UBXN11: variants seen among roughly 807,000 people sequenced by gnomAD.
The protein encoded by UBXN11 is UBX domain protein 11.
A neutral mutation model predicts 62.8 loss-of-function variants in UBXN11; 47 were observed. That is an observed-to-expected ratio of 0.75 (90% CI 0.59 to 0.95). The LOEUF is 0.95. UBXN11 is among the 40% of genes least tolerant of loss of function. The pLI is 0.00. For synonymous variants in UBXN11, 294 were observed against 267.0 expected (o/e 1.10, Z -0.99); for missense variants, 638 against 661.7 (o/e 0.96, Z 0.39).
chr1:26,308,275 A>AAAAAAAAAG, upstream of UBXN11, among the ~76,000 whole-genome samples: 1 of 141,240 alleles, frequency 7.1e-6, no homozygotes, highest in Non-Finnish European at 1.5e-5. Context: ...CAAAAAAAAA[A>AAAAAAAAAG]AAAAGAAAAG....
chr1:26,303,531 C>T (rs1468128799), intron 1 of UBXN11, among the ~76,000 whole-genome samples: 5 of 146,324 alleles, frequency 3.4e-5, no homozygotes, highest in South Asian at 2.1e-4. Flanking sequence ...GTCTGAGGCA[C>T]GAGAATCGCT....
intron 4 of UBXN11, 55 bp from the exon 5 acceptor site, chr1:26,298,117 G>A (rs549236082): frequency 1.9e-5 from 30 of 1,549,958 alleles, no homozygotes; most frequent in South Asian, 4.6e-5. Context: ...GCTGAGTTGT[G>A]GGGGGGAGGG....
At chr1:26,288,596 T>C (rs985051142) in intron 8 of UBXN11, among the ~76,000 whole-genome samples, 1 of 151,400 alleles carries the variant, frequency 6.6e-6, no homozygotes, top group African/African-American at 2.4e-5. Context: ...AGCTGGGGAG[T>C]CACACAGCAG....
At chr1:26,317,588 A>G (rs3924934) in intron 1 of UBXN11, among the ~76,000 whole-genome samples, 80,303 of 151,998 alleles carry the variant, frequency 0.53, 22,574 homozygotes, top group Non-Finnish European at 0.65. Context: ...GCTCTTTTTA[A>G]ATTGGTTATT....
In UBXN11 at chr1:26,285,359, G is replaced by T. The variant is rs1000351945; in HGVS notation, c.852+105C>A. ...GAGGGCATCAGACTGGGGTCCCCCA[G>T]GGAGTGCAGCGGCTTCCCCTCAGAA... On this transcript the variant is annotated intron_variant, in intron 10 of 14. Coordinates refer to ENST00000374222, the MANE Select transcript of UBXN11 (RefSeq NM_001389556.1). 2.6e-6 allele frequency: 4 copies of T among 1,544,974 alleles called. No homozygotes were observed. The African/African-American group carries it at 4.1e-5, about 16-fold the overall frequency.
At chr1:26,302,668 TA>T in intron 2 of UBXN11, 144 bp downstream of exon 2, 1 of 892,828 alleles carries the variant, frequency 1.1e-6, no homozygotes, top group Non-Finnish European at 1.6e-6. Flanking sequence ...GAAGAAGGTA[TA>T]AAGAAAAAGA....
At chr1:26,291,292 C>T (rs1309486646) in intron 8 of UBXN11, among the ~76,000 whole-genome samples, 3 of 152,226 alleles carry the variant, frequency 2.0e-5, no homozygotes, top group South Asian at 2.1e-4. Context: ...ACGGGGACGC[C>T]GGAGAGATGT....
intron 8 of UBXN11, among the ~76,000 whole-genome samples, chr1:26,293,538 C>T (rs546621326): frequency 2.0e-5 from 3 of 151,710 alleles, no homozygotes; most frequent in Non-Finnish European, 4.4e-5. Context: ...CCAGCCTGGC[C>T]AACATGGTAA....
intron 1 of UBXN11, among the ~76,000 whole-genome samples, chr1:26,315,413 G>A (rs1029208290): frequency 6.6e-5 from 10 of 152,262 alleles, no homozygotes; most frequent in Admixed American, 5.9e-4. Flanking sequence ...CTTCTGGGCT[G>A]GTGCCCTTCT....
chr1:26,303,210 G>C, intron 1 of UBXN11: 1 of 224,426 alleles, frequency 4.5e-6, no homozygotes, highest in South Asian at 1.6e-4. Flanking sequence ...CAGAAGCCTG[G>C]AACTTTCCCA....
Position 26,285,914 on chromosome 1 carries a change from C to G in UBXN11, c.683G>C (p.Arg228Pro). ...CTTCAGCGGGATGGGCTCGAGGGTACGCAGCCGTGCCCCGCCGGGCACTGG... is the reference window on the plus strand; with the variant it reads ...CTTCAGCGGGATGGGCTCGAGGGTAGGCAGCCGTGCCCCGCCGGGCACTGG... ...VTPVPGGARL[R>P]TLEPIPLKLY... Residue 228 changes from arginine to proline, a missense_variant, in exon 9 of 15, where the codon CGT (arginine) becomes CCT (proline). Coordinates refer to ENST00000374222, the MANE Select transcript of UBXN11 (RefSeq NM_001389556.1). The G allele has an allele frequency of 6.2e-7, 1 of 1,613,636 alleles. No individual in the cohort carries two copies. Among genetic ancestry groups the G allele is most frequent in the Non-Finnish European group, 8.5e-7 (1 of 1,179,666 alleles).
intron 10 of UBXN11, chr1:26,284,745 C>T (rs1186923235): frequency 1.6e-6 from 2 of 1,252,094 alleles, no homozygotes; most frequent in Non-Finnish European, 2.0e-6. Context: ...CTCTCAGGAG[C>T]CTACCGTGAA....
intron 8 of UBXN11, among the ~76,000 whole-genome samples, chr1:26,286,733 CTTG>C (rs1316485500): frequency 6.6e-6 from 1 of 152,170 alleles, no homozygotes; most frequent in East Asian, 1.9e-4. Context: ...GAGTTTCACT[CTTG>C]TTGTCCAGGC....
At chr1:26,302,222 G>A (rs911595140) in intron 2 of UBXN11, among the ~76,000 whole-genome samples, 2 of 152,024 alleles carry the variant, frequency 1.3e-5, no homozygotes, top group Admixed American at 6.5e-5. Flanking sequence ...AATTAGCCAG[G>A]TGTTATAGCA....
chr1:26,285,216 G>C, intron 10 of UBXN11: 1 of 1,301,906 alleles, frequency 7.7e-7, no homozygotes, highest in Admixed American at 3.5e-5. Flanking sequence ...GGGAGGACTA[G>C]AAGGCAGGGG....
intron 5 of UBXN11, among the ~76,000 whole-genome samples, chr1:26,297,755 T>C (rs1259118188): frequency 6.6e-6 from 1 of 152,200 alleles, no homozygotes; most frequent in Non-Finnish European, 1.5e-5. Flanking sequence ...TACTGGGTCC[T>C]GCTCAGCTGA....
At position 26,285,901 on chromosome 1, in the gene UBXN11, G is replaced by A. The variant is rs1403820904; in HGVS notation, c.696C>T (p.Pro232=). The stretch of plus-strand genomic sequence containing the variant: ...CATTCCGGTAGAGCTTCAGCGGGAT[G>A]GGCTCGAGGGTACGCAGCCGTGCCC... ...PGGARLRTLE[P]IPLKLYRNGI... Residue 232 remains proline, a synonymous_variant, in exon 9 of 15, where the codon CCC becomes CCT. Coordinates refer to ENST00000374222, the MANE Select transcript of UBXN11 (RefSeq NM_001389556.1). 5 of 1,613,504 alleles carry A rather than the reference G, an allele frequency of 3.1e-6. No individual in the cohort carries two copies. The highest frequency in any genetic ancestry group is 1.3e-5 in the African/African-American group (1 of 74,922).
chr1:26,305,516 C>T (rs1302299962), intron 1 of UBXN11, among the ~76,000 whole-genome samples: 1 of 152,116 alleles, frequency 6.6e-6, no homozygotes, highest in African/African-American at 2.4e-5. Context: ...TTTTCCAAGG[C>T]AGCCTTAGGC....
intron 13 of UBXN11, 26 bp downstream of exon 13, chr1:26,282,837 GC>G (rs2073032723): frequency 1.2e-6 from 2 of 1,613,532 alleles, no homozygotes; most frequent in Middle Eastern, 1.6e-4. Context: ...ACGCCCCCAG[GC>G]CCTCACCTCC....
Sources: gnomAD v4.1 joint callset for allele counts (sites outside exome capture counted in the v4.1 genomes callset) on GRCh38, gnomAD v4.1.1 for gene constraint, MANE v1.5 for transcripts, NCBI Gene and HGNC (gene_info 2026-07-23, HGNC 2026-07-21) for gene names.